ARSJ: variants seen among roughly 807,000 people sequenced by gnomAD.
ARSJ encodes arylsulfatase family member J.
In ARSJ, 26 loss-of-function variants were observed where a neutral mutation model predicts 35.9. The ratio of observed to expected loss-of-function variants is 0.72; its 90% CI spans 0.53 to 1.00. ARSJ has a LOEUF of 1.00. Among genes scored for constraint, ARSJ ranks in the 50% least tolerant of loss-of-function variants. The probability of loss-of-function intolerance (pLI) is 0.00; values close to 1 mark genes in which losing one functional copy is unlikely to be tolerated. For missense variants in ARSJ, 667 were observed against 723.6 expected (o/e 0.92, Z 0.90); for synonymous variants, 294 against 267.6 (o/e 1.10, Z -0.96).
intron 1 of ARSJ, among the ~76,000 whole-genome samples, chr4:113,939,461 T>C (rs1260467025): frequency 6.6e-6 from 1 of 152,112 alleles, no homozygotes; most frequent in Non-Finnish European, 1.5e-5. Flanking sequence ...GTATTTCTAG[T>C]TCTAGAGCCC....
rs557827196 is a variant in ARSJ at position 113,917,218 on chromosome 4, T to C, written c.399-13543A>G. 5.9e-3 allele frequency among the ~76,000 whole-genome samples: 896 copies of C among 152,270 alleles called. 4 individuals are homozygous for C. Among genetic ancestry groups the C allele is most frequent in the African/African-American group, 0.014 (591 of 41,556 alleles). On this transcript the variant is annotated intron_variant, in intron 1 of 1. Coordinates refer to ENST00000315366, the MANE Select transcript of ARSJ (RefSeq NM_024590.4). ...TTTCTTACAGTGTTGCTTCTCTTAG[T>C]GCCTGTTGCCCCCTTTCCTGTACCA...
intron 1 of ARSJ, among the ~76,000 whole-genome samples, chr4:113,955,106 C>T (rs1251986612): frequency 6.7e-6 from 1 of 150,354 alleles, no homozygotes; most frequent in Non-Finnish European, 1.5e-5. Context: ...AAAGGAAGAT[C>T]AAGGCACTTT....
chr4:113,940,497 C>T (rs535418670), intron 1 of ARSJ, among the ~76,000 whole-genome samples: 867 of 151,812 alleles, frequency 5.7e-3, no homozygotes, highest in Non-Finnish European at 8.4e-3. Context: ...AGGGAGTGGG[C>T]GGTCGGGGGA....
At chr4:113,918,304 A>G (rs527888451) in intron 1 of ARSJ, among the ~76,000 whole-genome samples, 35 of 152,328 alleles carry the variant, frequency 2.3e-4, no homozygotes, top group African/African-American at 7.5e-4. Context: ...AAAAAATGAC[A>G]AATAATGCTA....
At chr4:113,938,258 A>C (rs1724897606) in intron 1 of ARSJ, among the ~76,000 whole-genome samples, 2 of 152,018 alleles carry the variant, frequency 1.3e-5, no homozygotes, top group Admixed American at 6.6e-5. Context: ...TCTGATCTTC[A>C]AAAAACCTGA....
chr4:113,943,845 T>G (rs573764313), intron 1 of ARSJ, among the ~76,000 whole-genome samples: 1 of 152,006 alleles, frequency 6.6e-6, no homozygotes, highest in South Asian at 2.1e-4. Flanking sequence ...AAAGACAGGC[T>G]GGAGAACAGA....
intron 1 of ARSJ, among the ~76,000 whole-genome samples, chr4:113,917,181 C>T (rs1356543184): frequency 6.6e-6 from 1 of 152,128 alleles, no homozygotes; most frequent in East Asian, 1.9e-4. Context: ...AAATTCACTG[C>T]AGTCAAAGTT....
chr4:113,943,643 G>C (rs1725298659), intron 1 of ARSJ: 1 of 152,042 alleles, frequency 6.6e-6, no homozygotes, highest in Non-Finnish European at 1.5e-5. Flanking sequence ...AATCAAGAGA[G>C]TGACAGAAGG....
At chr4:113,924,062 TATAAATATATATAA>T (rs1723873282) in intron 1 of ARSJ, among the ~76,000 whole-genome samples, 9 of 109,370 alleles carry the variant, frequency 8.2e-5, no homozygotes, top group African/African-American at 3.1e-4. Context: ...TATAAATATA[TATAAATATATATAA>T]ATATATATAT....
In ARSJ at chr4:113,902,875, C is replaced by A. The variant is rs1250974256; in HGVS notation, c.1199G>T (p.Gly400Val). 6.2e-7 allele frequency: 1 copy of A among 1,614,172 alleles called. No individual in the cohort carries two copies. Among genetic ancestry groups the A allele is most frequent in the Non-Finnish European group, 8.5e-7 (1 of 1,180,020 alleles). The change falls in exon 2 of 2, where the codon GGC becomes GTC. Residue 400 changes from glycine (G) to valine (V), a missense_variant. Transcript: ENST00000315366. ...ACTTATGGTCTCCCAGATATCATAG[C>A]CATCTAGTTGAATGTCCTCATCAAT... ...GQIDEDIQLD[G>V]YDIWETISEG...
rs564425099 is a variant in ARSJ at position 113,900,334 on chromosome 4, G to A, written c.*1940C>T. 4 of 151,854 alleles carry A rather than the reference G, an allele frequency of 2.6e-5. No individual in the cohort carries two copies. The highest frequency in any genetic ancestry group is 9.7e-5 in the African/African-American group (4 of 41,390). 9.4% of individuals were successfully genotyped at this position (151,854 alleles called of 1,614,324 possible). ...TAAGACTCATTTAAAAGATACTGTC[G>A]ACAAAACACAAACTTTAGGAAATAC... is the stretch of plus-strand genomic sequence containing the variant. On this transcript the variant is annotated 3_prime_UTR_variant, in exon 2 of 2. Coordinates refer to ENST00000315366, the MANE Select transcript of ARSJ (RefSeq NM_024590.4).
chr4:113,955,146 G>A (rs949925500), intron 1 of ARSJ, among the ~76,000 whole-genome samples: 1 of 151,686 alleles, frequency 6.6e-6, no homozygotes, highest in African/African-American at 2.4e-5. Flanking sequence ...TGAAAGGGTA[G>A]AACAAAAATT....
chr4:113,951,107 T>C (rs140271527), intron 1 of ARSJ, among the ~76,000 whole-genome samples: 41 of 152,230 alleles, frequency 2.7e-4, no homozygotes, highest in Middle Eastern at 3.4e-3. Flanking sequence ...TAAAGGCCCA[T>C]ACTTGTTACT....
At chr4:113,951,471 T>C (rs990832935) in intron 1 of ARSJ, among the ~76,000 whole-genome samples, 3 of 152,088 alleles carry the variant, frequency 2.0e-5, no homozygotes, top group Non-Finnish European at 4.4e-5. Flanking sequence ...TAAAGTTCAA[T>C]GGGACTACTC....
intron 1 of ARSJ, among the ~76,000 whole-genome samples, chr4:113,972,526 A>G (rs1727338717): frequency 6.6e-6 from 1 of 151,986 alleles, no homozygotes; most frequent in Non-Finnish European, 1.5e-5. Flanking sequence ...TTTGTTTTCT[A>G]AGAGATGGGG....
At chr4:113,954,078 T>C (rs1216009849) in intron 1 of ARSJ, among the ~76,000 whole-genome samples, 2 of 151,994 alleles carry the variant, frequency 1.3e-5, no homozygotes, top group Non-Finnish European at 2.9e-5. Context: ...TAAAATAATA[T>C]ATTACCATCA....
intron 1 of ARSJ, among the ~76,000 whole-genome samples, chr4:113,942,420 G>T (rs918132937): frequency 6.6e-5 from 10 of 151,960 alleles, no homozygotes; most frequent in Admixed American, 2.0e-4. Flanking sequence ...AATTATGGCT[G>T]CAACCTTTCA....
rs1170188094 is a variant in ARSJ, at chr4:113,903,502, C to T, written c.572G>A (p.Arg191Lys). 6 of 1,614,214 alleles carry T rather than the reference C, an allele frequency of 3.7e-6. No homozygotes were observed. Among genetic ancestry groups the T allele is most frequent in the South Asian group, 1.1e-5 (1 of 91,084 alleles). Residue 191 changes from arginine to lysine, a missense_variant, in exon 2 of 2, where the codon AGA becomes AAA. By Grantham distance (26) the Arg-to-Lys change is conservative (BLOSUM62 2). Coordinates refer to ENST00000315366, the MANE Select transcript of ARSJ (RefSeq NM_024590.4). ...GGAACCAAAAAAGGTATCAAATCCT[C>T]TTCTGGTGGGCATGCATTCTTTTCT... ...FYRKECMPTR[R>K]GFDTFFGSLL...
intron 1 of ARSJ, among the ~76,000 whole-genome samples, chr4:113,925,248 C>T (rs7695515): frequency 0.72 from 109,869 of 151,842 alleles, 40,292 homozygotes; most frequent in East Asian, 0.81. Context: ...CTTTAAGTCT[C>T]CTGGTGGCAG....
Sources: gnomAD v4.1 joint callset for allele counts (sites outside exome capture counted in the v4.1 genomes callset) on GRCh38, gnomAD v4.1.1 for gene constraint, MANE v1.5 for transcripts, NCBI Gene and HGNC (gene_info 2026-07-23, HGNC 2026-07-21) for gene names.